Variants in MYRIP observed in about 807,000 individuals in gnomAD.
MYRIP encodes myosin VIIA and Rab interacting protein.
A neutral mutation model predicts 98.0 loss-of-function variants in MYRIP; 49 were observed. The ratio of observed to expected loss-of-function variants is 0.50; its 90% CI spans 0.40 to 0.63. The LOEUF is 0.63. Among genes scored for constraint, MYRIP ranks in the 30% least tolerant of loss-of-function variants. The probability of loss-of-function intolerance (pLI) is 0.00; values close to 1 mark genes in which losing one functional copy is unlikely to be tolerated. For synonymous variants in MYRIP, 404 were observed against 409.5 expected (o/e 0.99, Z 0.16); for missense variants, 1,004 against 1,058.2 (o/e 0.95, Z 0.71).
At chr3:40,042,416 G>C (rs1947559216) in intron 2 of MYRIP, among the ~76,000 whole-genome samples, 1 of 151,490 alleles carries the variant, frequency 6.6e-6, no homozygotes, top group Non-Finnish European at 1.5e-5. Context: ...GTCCATGAAA[G>C]AAAAGCCTGA....
chr3:39,946,245 C>T (rs1442256994), intron 2 of MYRIP, among the ~76,000 whole-genome samples: 1 of 152,066 alleles, frequency 6.6e-6, no homozygotes, highest in African/African-American at 2.4e-5. Flanking sequence ...TTACCAGAGA[C>T]TCACCTACAT....
intron 1 of MYRIP, among the ~76,000 whole-genome samples, chr3:39,820,726 C>G (rs779244606): frequency 1.3e-5 from 2 of 152,128 alleles, no homozygotes; most frequent in African/African-American, 2.4e-5. Context: ...AATCCTTGTT[C>G]AAAGTCTTTC....
At chr3:40,103,151 C>T (rs1948980893) in intron 3 of MYRIP, among the ~76,000 whole-genome samples, 1 of 152,104 alleles carries the variant, frequency 6.6e-6, no homozygotes. Flanking sequence ...GCACCTGGCT[C>T]CAGCTTGCCT....
At chr3:39,912,410 C>G (rs1054347383) in intron 2 of MYRIP, among the ~76,000 whole-genome samples, 17 of 152,190 alleles carry the variant, frequency 1.1e-4, no homozygotes, top group African/African-American at 4.1e-4. Context: ...AATGTAGTAC[C>G]TAATCAATTA....
intron 2 of MYRIP, among the ~76,000 whole-genome samples, chr3:39,926,712 C>T (rs1346822737): frequency 6.6e-6 from 1 of 151,968 alleles, no homozygotes; most frequent in Non-Finnish European, 1.5e-5. Flanking sequence ...TTTTGTACCA[C>T]TACTGTGCTG....
At chr3:40,021,892 T>C (rs1245237678) in intron 2 of MYRIP, among the ~76,000 whole-genome samples, 2 of 152,240 alleles carry the variant, frequency 1.3e-5, no homozygotes, top group Non-Finnish European at 2.9e-5. Flanking sequence ...CTTGTCATCA[T>C]ATATGTCTGA....
chr3:40,233,158 A>G (rs981046615), intron 11 of MYRIP: 1 of 152,238 alleles, frequency 6.6e-6, no homozygotes, highest in Non-Finnish European at 1.5e-5. Flanking sequence ...GAAACTCCTC[A>G]GGCTTTCCCT....
In MYRIP at chr3:39,877,374, A is replaced by G. The variant is rs527677321; in HGVS notation, c.-30-23413A>G. On this transcript the variant is annotated intron_variant, in intron 1 of 16. Coordinates refer to ENST00000302541, the MANE Select transcript of MYRIP (RefSeq NM_015460.4). ...GTCATTCTCCGTCCAGCTTTGTTCCATTGCTGGTGAGGAACTGCGTTCCTT... is the reference window on the plus strand; with the variant it reads ...GTCATTCTCCGTCCAGCTTTGTTCCGTTGCTGGTGAGGAACTGCGTTCCTT... Among the ~76,000 whole-genome samples, 1,347 of 151,912 alleles carry G rather than the reference A, an allele frequency of 8.9e-3. 15 individuals are homozygous for G. The highest frequency in any genetic ancestry group is 0.031 in the African/African-American group (1,274 of 41,320).
chr3:39,948,442 T>A (rs2125715675), intron 2 of MYRIP, among the ~76,000 whole-genome samples: 1 of 152,150 alleles, frequency 6.6e-6, no homozygotes, highest in Middle Eastern at 3.4e-3. Flanking sequence ...ACTTGCTGAG[T>A]TAAAGAAGTC....
chr3:40,078,282 GC>G (rs1948396855), intron 3 of MYRIP, among the ~76,000 whole-genome samples: 1 of 152,216 alleles, frequency 6.6e-6, no homozygotes, highest in Non-Finnish European at 1.5e-5. Context: ...GCTGTGTGCA[GC>G]CCCGGTTCGC....
At chr3:39,942,633 AC>A (rs1944815868) in intron 2 of MYRIP, among the ~76,000 whole-genome samples, 1 of 152,146 alleles carries the variant, frequency 6.6e-6, no homozygotes. Flanking sequence ...ATCTCCTTAA[AC>A]ATTTATCTTT....
Position 40,219,796 on chromosome 3 carries a change from T to C in MYRIP, c.1905+9703T>C, listed in dbSNP as rs1205036190. On this transcript the variant is annotated intron_variant, in intron 11 of 16. Transcript: ENST00000302541. ...TGTGAATAGTGCCACAATAAACATATGTGTGCATGTGTCTTTATAGCAGCA... is the reference window on the plus strand; with the variant it reads ...TGTGAATAGTGCCACAATAAACATACGTGTGCATGTGTCTTTATAGCAGCA... 1.4e-3 allele frequency among the ~76,000 whole-genome samples: 209 copies of C among 151,602 alleles called. 1 individual carries two copies. Among genetic ancestry groups the C allele is most frequent in the African/African-American group, 4.8e-3 (198 of 41,098 alleles).
At chr3:40,050,653 C>T (rs931686972) in intron 3 of MYRIP, among the ~76,000 whole-genome samples, 3 of 152,172 alleles carry the variant, frequency 2.0e-5, no homozygotes, top group Middle Eastern at 6.8e-3. Flanking sequence ...CATTTCATAA[C>T]ACTATAACAG....
intron 11 of MYRIP, among the ~76,000 whole-genome samples, chr3:40,217,890 G>A (rs1253840042): frequency 6.6e-6 from 1 of 152,060 alleles, no homozygotes; most frequent in African/African-American, 2.4e-5. Context: ...ATATTAGATA[G>A]CAGAAAACAA....
intron 2 of MYRIP, among the ~76,000 whole-genome samples, chr3:40,038,112 G>A (rs746241864): frequency 2.5e-5 from 3 of 121,956 alleles, no homozygotes; most frequent in East Asian, 2.3e-4. Context: ...TATTTGAGAC[G>A]CTCTGATCAA....
At chr3:39,881,214 C>T (rs1205315934) in intron 1 of MYRIP, among the ~76,000 whole-genome samples, 2 of 147,194 alleles carry the variant, frequency 1.4e-5, no homozygotes, top group African/African-American at 5.0e-5. Flanking sequence ...GCATTACACC[C>T]ATTTCTTCTG....
chr3:40,164,249 A>G (rs1048899436), intron 5 of MYRIP, among the ~76,000 whole-genome samples: 2 of 152,280 alleles, frequency 1.3e-5, no homozygotes, highest in South Asian at 2.1e-4. Context: ...TCTCTGCTCA[A>G]AACTCTCCGG....
Position 39,821,671 on chromosome 3 carries a change from C to A in MYRIP, c.-31+11755C>A, listed in dbSNP as rs1575273023. Reference sequence around the variant, plus strand: ...GATATATAATGTTTTTGTTATTGTTCACATGTGAATTTTTAAATTTTTCAT... The same window carrying A: ...GATATATAATGTTTTTGTTATTGTTAACATGTGAATTTTTAAATTTTTCAT... On this transcript the variant is annotated intron_variant, in intron 1 of 16. Coordinates refer to ENST00000302541, the MANE Select transcript of MYRIP (RefSeq NM_015460.4). Among the ~76,000 whole-genome samples, 3 of 152,072 alleles carry A rather than the reference C, an allele frequency of 2.0e-5. No individual in the cohort carries two copies. In the South Asian group the frequency reaches 6.2e-4, roughly 32 times the overall value.
intron 2 of MYRIP, among the ~76,000 whole-genome samples, chr3:39,953,465 T>A: frequency 6.6e-6 from 1 of 152,214 alleles, no homozygotes; most frequent in Non-Finnish European, 1.5e-5. Context: ...CTTTCATTGT[T>A]AGGCAACTTA....
Sources: allele counts gnomAD v4.1 joint callset (sites outside exome capture counted in the v4.1 genomes callset), GRCh38; gene constraint gnomAD v4.1.1; transcripts MANE v1.5; gene names NCBI Gene and HGNC (gene_info 2026-07-23, HGNC 2026-07-21).